The following CD74 variants were observed in gnomAD, a reference collection of about 807,000 sequenced individuals.
CD74 encodes CD74 molecule.
A neutral mutation model predicts 37.1 loss-of-function variants in CD74; 20 were observed. The ratio of observed to expected loss-of-function variants is 0.54; its 90% CI spans 0.38 to 0.78. The LOEUF (loss-of-function observed/expected upper bound fraction) is 0.78. CD74 is among the 30% of genes least tolerant of loss of function. The pLI is 0.00. For missense variants in CD74, 338 were observed against 389.5 expected (o/e 0.87, Z 1.11); for synonymous variants, 150 against 152.0 (o/e 0.99, Z 0.10).
At position 150,406,893 on chromosome 5, in the gene CD74, G is replaced by T. The variant is rs756167480; in HGVS notation, c.366C>A (p.Ala122=). 1 of 1,511,724 alleles carries T rather than the reference G, an allele frequency of 6.6e-7. No homozygotes were observed. Among genetic ancestry groups the T allele is most frequent in the East Asian group, 2.3e-5 (1 of 43,344 alleles). 93.6% of individuals were successfully genotyped at this position (1,511,724 alleles called of 1,614,324 possible). Residue 122 remains alanine, a synonymous_variant, in exon 3 of 9, where the codon GCC becomes GCA. Transcript: ENST00000009530. ...PLLMQALPMG[A]LPQGPMQNAT... is the part of the protein sequence containing the mutation. ...GGGCTGTCCTTACCCCCTGGGGCAG[G>T]GCTCCCATGGGCAGCGCCTGCATCA... is the stretch of plus-strand genomic sequence containing the variant.
At chr5:150,406,384 G>A (rs971740198) in intron 3 of CD74, 63 bp from the exon 4 acceptor site, 1 of 1,350,060 alleles carries the variant, frequency 7.4e-7, no homozygotes, top group East Asian at 2.3e-5. Flanking sequence ...TATGGAGCAG[G>A]AGCCGGTTGC....
rs769558379 is a variant in CD74, at chr5:150,407,012, G to T, written c.299-52C>A. On this transcript the variant is annotated intron_variant, in intron 2 of 8. Coordinates refer to ENST00000009530, the MANE Select transcript of CD74 (RefSeq NM_001025159.3). This position sits in a 1 kb window ranked among gnomAD's most constrained non-coding sequence, Gnocchi z 4.4. ...GTGGCCCCGGTGCCCAGGGAGGAGG[G>T]TATCAGACCCAGATGAGGAAGGGCT... 1.7e-5 allele frequency: 26 copies of T among 1,539,706 alleles called. 2 individuals are homozygous for T. Among genetic ancestry groups the T allele is most frequent in the South Asian group, 1.3e-4 (11 of 86,424 alleles).
intron 1 of CD74, among the ~76,000 whole-genome samples, chr5:150,412,255 A>T (rs2151186939): frequency 6.6e-6 from 1 of 152,332 alleles, no homozygotes; most frequent in South Asian, 2.1e-4. Flanking sequence ...GGGAGCCACC[A>T]GGCACAGCCT....
At chr5:150,406,080 T>A (rs974280079) in intron 4 of CD74, 179 bp downstream of exon 4, 15 of 567,062 alleles carry the variant, frequency 2.6e-5, no homozygotes, top group Non-Finnish European at 4.8e-5. Flanking sequence ...CGAGCCTGTT[T>A]ATCTCAAAAA....
intron 4 of CD74, 173 bp from the exon 5 acceptor site, chr5:150,405,353 G>T (rs1769895781): frequency 2.3e-6 from 3 of 1,326,484 alleles, no homozygotes; most frequent in East Asian, 3.0e-5. Context: ...GTACGGGTAA[G>T]GGTAGTCCAG....
chr5:150,402,545 C>T lies in CD74; in HGVS notation c.880+18G>A, dbSNP rs748014136. 2.4e-5 allele frequency: 38 copies of T among 1,611,272 alleles called. No individual in the cohort carries two copies. Among genetic ancestry groups the T allele is most frequent in the Non-Finnish European group, 3.1e-5 (36 of 1,177,524 alleles). On this transcript the variant is annotated intron_variant, in intron 8 of 8. Transcript: ENST00000009530. This position sits in a 1 kb window ranked among gnomAD's most constrained non-coding sequence, Gnocchi z 4.2. Reference sequence around the variant, plus strand: ...GATGAGCTGCTGGTGACCAGATGCCCCTCTGCAAGGCCCTTACCTGGGCCC... The same window carrying T: ...GATGAGCTGCTGGTGACCAGATGCCTCTCTGCAAGGCCCTTACCTGGGCCC...
Position 150,412,646 on chromosome 5 carries a change from C to G in CD74, c.104G>C (p.Arg35Pro). 1.2e-6 allele frequency: 2 copies of G among 1,613,518 alleles called. No individual in the cohort carries two copies. Among genetic ancestry groups the G allele is most frequent in the Non-Finnish European group, 1.7e-6 (2 of 1,179,942 alleles). The change falls in exon 1 of 9, where the codon CGG becomes CCG. Residue 35 changes from arginine (R) to proline (P), a missense_variant. By Grantham distance (103) the Arg-to-Pro change is moderately radical. Transcript: ENST00000009530. ...ATACCTCTCCGGGGCCCCAGGGCGC[C>G]GGCCCAGCATGGGCAGTTGCTCATT... ...SNNEQLPMLG[R>P]RPGAPESKCS...
At chr5:150,412,409 A>G (rs1770396769) in intron 1 of CD74, among the ~76,000 whole-genome samples, 1 of 152,340 alleles carries the variant, frequency 6.6e-6, no homozygotes, top group South Asian at 2.1e-4. Flanking sequence ...GAAAGTTACA[A>G]ACTCCTGCTC....
At chr5:150,404,980 G>T in intron 5 of CD74, 105 bp downstream of exon 5, 1 of 1,142,276 alleles carries the variant, frequency 8.8e-7, no homozygotes, top group Non-Finnish European at 1.3e-6. Flanking sequence ...AACCCCTTCA[G>T]CTTCCTGAGA....
rs753124258 is a variant in CD74, at chr5:150,402,490, C to T, written c.880+73G>A. The T allele has an allele frequency of 3.9e-6, 5 of 1,298,074 alleles. No homozygotes were observed. The highest frequency in any genetic ancestry group is 1.2e-5 in the South Asian group (1 of 84,864). The allele number at this position is 1,298,074 out of a possible 1,614,324, so 80.4% of individuals were successfully genotyped here. On this transcript the variant is annotated intron_variant, in intron 8 of 8. Coordinates refer to ENST00000009530, the MANE Select transcript of CD74 (RefSeq NM_001025159.3). The surrounding 1 kb of genome is among the most constrained non-coding windows in gnomAD (Gnocchi z 4.2). ...AGTGGCCCAGCGTCACACTCCTTCA[C>T]CTGCCCACAAAGGAGCTGGCCCTGC...
In CD74 at chr5:150,401,896, C is replaced by T; in HGVS notation, c.*344G>A. Reference sequence around the variant, plus strand: ...CCTGGGGTCTGGGTGTAGGGTTATCCCTTCTCCCTGTGCCTTCCCATCTCG... The same window carrying T: ...CCTGGGGTCTGGGTGTAGGGTTATCTCTTCTCCCTGTGCCTTCCCATCTCG... On this transcript the variant is annotated 3_prime_UTR_variant, in exon 9 of 9. Transcript: ENST00000009530. 1.3e-6 allele frequency: 1 copy of T among 744,890 alleles called. No homozygotes were observed. The highest frequency in any genetic ancestry group is 2.7e-5 in the East Asian group (1 of 37,420). 46.1% of individuals were successfully genotyped at this position (744,890 alleles called of 1,614,324 possible).
Position 150,401,886 on chromosome 5 carries a change from T to A in CD74, c.*354A>T. On this transcript the variant is annotated 3_prime_UTR_variant, in exon 9 of 9. Transcript: ENST00000009530. ...GCATGTCCAGCCTGGGGTCTGGGTG[T>A]AGGGTTATCCCTTCTCCCTGTGCCT... The A allele has an allele frequency of 1.4e-6, 1 of 731,312 alleles. No homozygotes were observed. The highest frequency in any genetic ancestry group is 2.4e-6 in the Non-Finnish European group (1 of 411,918). 45.3% of individuals were successfully genotyped at this position (731,312 alleles called of 1,614,324 possible).
chr5:150,408,814 A>G (rs1358389160), intron 1 of CD74, among the ~76,000 whole-genome samples: 2 of 152,232 alleles, frequency 1.3e-5, no homozygotes, highest in Admixed American at 6.5e-5. Flanking sequence ...TGATCGGGCC[A>G]CAAGGCCTTC....
At position 150,402,041 on chromosome 5, in the gene CD74, G is replaced by C; in HGVS notation, c.*199C>G. On this transcript the variant is annotated 3_prime_UTR_variant, in exon 9 of 9. Coordinates refer to ENST00000009530, the MANE Select transcript of CD74 (RefSeq NM_001025159.3). This position sits in a 1 kb window ranked among gnomAD's most constrained non-coding sequence, Gnocchi z 4.2. ...CGCCCCTGTTGACAGATGGAGATTG[G>C]GCAGCAGGGCCTTGCTGCATTGTTA... 1 of 1,536,678 alleles carries C rather than the reference G, an allele frequency of 6.5e-7. No individual in the cohort carries two copies. The highest frequency in any genetic ancestry group is 2.4e-5 in the East Asian group (1 of 40,914).
chr5:150,406,576 T>C, intron 3 of CD74: 1 of 591,164 alleles, frequency 1.7e-6, no homozygotes, highest in Non-Finnish European at 3.0e-6. Flanking sequence ...TGAATATAAA[T>C]ATTGTCAATG....
intron 4 of CD74, 182 bp downstream of exon 4, chr5:150,406,077 G>A: frequency 1.8e-6 from 1 of 563,010 alleles, no homozygotes; most frequent in South Asian, 2.0e-5. Context: ...AGCCGAGCCT[G>A]TTTATCTCAA....
chr5:150,405,898 A>AT (rs1472695738), intron 4 of CD74: 1 of 203,120 alleles, frequency 4.9e-6, no homozygotes, highest in Non-Finnish European at 1.1e-5. Context: ...CCTCAACCTC[A>AT]TGAGTAGCTG....
chr5:150,412,884 G>A lies in CD74; in HGVS notation c.-135C>T, dbSNP rs765869896. The A allele has an allele frequency of 3.3e-6, 5 of 1,525,810 alleles. No homozygotes were observed. Among genetic ancestry groups the A allele is most frequent in the Non-Finnish European group, 4.4e-6 (5 of 1,139,468 alleles). 94.5% of individuals were successfully genotyped at this position (1,525,810 alleles called of 1,614,324 possible). On this transcript the variant is annotated 5_prime_UTR_variant, in exon 1 of 9. Coordinates refer to ENST00000009530, the MANE Select transcript of CD74 (RefSeq NM_001025159.3). ...CAAAGGCTGGAAATACCCCACTTTG[G>A]TGAAGCTGCCTTTTGCGGGGCAGGA... is the stretch of plus-strand genomic sequence containing the variant.
chr5:150,412,139 A>G (rs572871114), intron 1 of CD74, among the ~76,000 whole-genome samples: 1 of 152,204 alleles, frequency 6.6e-6, no homozygotes, highest in Admixed American at 6.5e-5. Context: ...TAATTTTTGT[A>G]TTTTTAGTAG....
Sources: allele counts gnomAD v4.1 joint callset (sites outside exome capture counted in the v4.1 genomes callset), GRCh38; gene constraint gnomAD v4.1.1; non-coding constraint Gnocchi (gnomAD v3.1); transcripts MANE v1.5; gene names NCBI Gene and HGNC (gene_info 2026-07-23, HGNC 2026-07-21).